Variants in DNAJC2 observed in about 807,000 individuals in gnomAD.
The protein encoded by DNAJC2 is dnaJ homolog subfamily C member 2.
DNAJC2 carries 32 observed loss-of-function variants against 94.0 expected under a neutral mutation model. The ratio of observed to expected loss-of-function variants is 0.34; its 90% CI spans 0.26 to 0.46. The LOEUF (loss-of-function observed/expected upper bound fraction) is 0.46. Ranked by LOEUF, DNAJC2 falls within the 20% of genes least tolerant of loss-of-function variation. The probability of loss-of-function intolerance (pLI) is 1.00; values close to 1 mark genes in which losing one functional copy is unlikely to be tolerated. For synonymous variants in DNAJC2, 210 were observed against 229.7 expected, an observed-to-expected ratio of 0.91 and a Z score of 0.77; for missense variants, 550 against 719.5, an observed-to-expected ratio of 0.76 and a Z score of 2.69.
intron 6 of DNAJC2, among the ~76,000 whole-genome samples, chr7:103,324,280 C>A (rs939688600): frequency 2.0e-5 from 3 of 152,116 alleles, no homozygotes; most frequent in Non-Finnish European, 4.4e-5. Context: ...TCATTTTTTA[C>A]TACTATCATG....
rs112166175 is a variant in DNAJC2, at chr7:103,335,700, C to G, written c.331+2036G>C. On this transcript the variant is annotated intron_variant, in intron 3 of 16. Coordinates refer to ENST00000379263, the MANE Select transcript of DNAJC2 (RefSeq NM_014377.3). ...AGTTGGGCTTACAGGCATGCGCCAC[C>G]GCACCTGGCTAATTTTTGTATTTTT... 3.3e-5 allele frequency: 5 copies of G among 152,250 alleles called. No individual in the cohort carries two copies. The East Asian group carries it at 7.8e-4, about 24-fold the overall frequency. 9.4% of individuals were successfully genotyped at this position (152,250 alleles called of 1,614,324 possible).
At chr7:103,329,692 G>C (rs1402971302) in intron 3 of DNAJC2, among the ~76,000 whole-genome samples, 1 of 151,988 alleles carries the variant, frequency 6.6e-6, no homozygotes, top group Non-Finnish European at 1.5e-5. Context: ...CACTATAATA[G>C]TAAATTTTAC....
intron 3 of DNAJC2, among the ~76,000 whole-genome samples, chr7:103,334,011 C>T (rs1011205455): frequency 2.0e-5 from 3 of 148,250 alleles, no homozygotes; most frequent in East Asian, 2.0e-4. Context: ...AGTGCAGTGG[C>T]GTGATCTCAG....
chr7:103,330,502 G>A (rs551705266), intron 3 of DNAJC2, among the ~76,000 whole-genome samples: 2 of 152,090 alleles, frequency 1.3e-5, no homozygotes, highest in Admixed American at 1.3e-4. Flanking sequence ...GCCCAGGCTG[G>A]AGTGCAGTGG....
intron 15 of DNAJC2, chr7:103,313,680 A>T: frequency 1.0e-6 from 1 of 985,442 alleles, no homozygotes; most frequent in Middle Eastern, 5.2e-4. Flanking sequence ...ATCTGCTAAA[A>T]TCTTGGGAGC....
Position 103,316,745 on chromosome 7 carries a change from A to G in DNAJC2, c.1427+85T>C, listed in dbSNP as rs547077536. On this transcript the variant is annotated intron_variant, in intron 13 of 16. Transcript: ENST00000379263. ...GAATTTATCTCTGCAAGTTTCTGTG[A>G]TAACAAGTGCTGCTATTTGGAGTCT... 32 of 1,137,878 alleles carry G rather than the reference A, an allele frequency of 2.8e-5. No homozygotes were observed. In the East Asian group the frequency reaches 3.5e-4, roughly 13 times the overall value. The allele number at this position is 1,137,878 out of a possible 1,614,324, so 70.5% of individuals were successfully genotyped here. A position where few individuals can be genotyped will look rare whatever the true frequency, so the allele number is the denominator to read the frequency against.
chr7:103,325,272 C>A (rs1174448345), intron 5 of DNAJC2, among the ~76,000 whole-genome samples: 1 of 152,008 alleles, frequency 6.6e-6, no homozygotes, highest in Non-Finnish European at 1.5e-5. Flanking sequence ...GGTGAAACCC[C>A]GTCTCTACTA....
intron 5 of DNAJC2, among the ~76,000 whole-genome samples, chr7:103,326,083 A>C (rs1019029032): frequency 1.3e-5 from 2 of 152,132 alleles, no homozygotes; most frequent in Non-Finnish European, 2.9e-5. Flanking sequence ...GGTTCAAGCA[A>C]AACTCCCGTC....
chr7:103,334,473 G>A (rs902861899), intron 3 of DNAJC2, among the ~76,000 whole-genome samples: 3 of 151,846 alleles, frequency 2.0e-5, no homozygotes, highest in African/African-American at 7.3e-5. Context: ...TGAGGCAGAA[G>A]AATGAGGCAG....
At chr7:103,331,210 G>T (rs1394299118) in intron 3 of DNAJC2, among the ~76,000 whole-genome samples, 1 of 152,062 alleles carries the variant, frequency 6.6e-6, no homozygotes, top group South Asian at 2.1e-4. Flanking sequence ...CGCCTGCCTC[G>T]GCCTCCCAAA....
At chr7:103,322,106 T>A (rs759175105) in intron 9 of DNAJC2, 25 bp from the exon 10 acceptor site, 2 of 1,569,892 alleles carry the variant, frequency 1.3e-6, no homozygotes, top group Non-Finnish European at 1.7e-6. Context: ...AGTAAAATCA[T>A]TTTAATAGGT....
At chr7:103,330,748 CTCTT>C (rs1046426881) in intron 3 of DNAJC2, among the ~76,000 whole-genome samples, 5 of 139,352 alleles carry the variant, frequency 3.6e-5, no homozygotes, top group African/African-American at 1.5e-4. Flanking sequence ...TCACACCCAG[CTCTT>C]TTTTTTTTTT....
chr7:103,327,693 T>C lies in DNAJC2; in HGVS notation c.393A>G (p.Lys131=). Residue 131 remains lysine, a synonymous_variant, in exon 4 of 17, where the codon AAA becomes AAG. Coordinates refer to ENST00000379263, the MANE Select transcript of DNAJC2 (RefSeq NM_014377.3). ...DKRKAAGEPI[K]EGDNDYFTCI... Reference sequence around the variant, plus strand: ...AAGTGAAGTAGTCATTATCTCCTTCTTTTATTGGTTCACCAGCTGCTTTCC... The same window carrying C: ...AAGTGAAGTAGTCATTATCTCCTTCCTTTATTGGTTCACCAGCTGCTTTCC... 1.2e-6 allele frequency: 2 copies of C among 1,613,436 alleles called. No homozygotes were observed. Among genetic ancestry groups the C allele is most frequent in the South Asian group, 1.1e-5 (1 of 90,980 alleles).
intron 12 of DNAJC2, among the ~76,000 whole-genome samples, chr7:103,319,134 T>C (rs1179339197): frequency 6.6e-6 from 1 of 151,776 alleles, no homozygotes; most frequent in Non-Finnish European, 1.5e-5. Flanking sequence ...AGAGACTCCA[T>C]CTCAAAAACA....
At chr7:103,342,308 CTT>C (rs201599023) in intron 1 of DNAJC2, among the ~76,000 whole-genome samples, 6 of 143,026 alleles carry the variant, frequency 4.2e-5, no homozygotes, top group Admixed American at 7.0e-5. Context: ...TATTTTTTTA[CTT>C]TTTTTTTTTT....
At chr7:103,334,187 G>A (rs1371702119) in intron 3 of DNAJC2, among the ~76,000 whole-genome samples, 4 of 151,822 alleles carry the variant, frequency 2.6e-5, no homozygotes, top group Middle Eastern at 3.2e-3. Context: ...TCCTGACCTC[G>A]TGATCCGCCT....
intron 7 of DNAJC2, 116 bp from the exon 8 acceptor site, chr7:103,322,910 G>T: frequency 3.7e-6 from 3 of 815,020 alleles, no homozygotes; most frequent in Middle Eastern, 3.6e-4. Flanking sequence ...AAAATGCTGT[G>T]TCATTACTAA....
At chr7:103,316,129 G>A (rs772603653) in intron 13 of DNAJC2, 41 bp from the exon 14 acceptor site, 1 of 1,324,208 alleles carries the variant, frequency 7.6e-7, no homozygotes, top group East Asian at 2.4e-5. Context: ...TAGTAGTAAG[G>A]AAAAACAAAA....
chr7:103,312,453 G>C lies in DNAJC2; in HGVS notation c.*116C>G, dbSNP rs1734926118. ...TTAATGGTCAGTCTTTGTTCTCTGA[G>C]AAATTATGTTGGAAGCAGCATACTT... On this transcript the variant is annotated 3_prime_UTR_variant, in exon 17 of 17. Transcript: ENST00000379263. The C allele has an allele frequency of 1.3e-6, 2 of 1,527,666 alleles. No homozygotes were observed. Among genetic ancestry groups the C allele is most frequent in the Non-Finnish European group, 1.7e-6 (2 of 1,146,238 alleles). The allele number at this position is 1,527,666 out of a possible 1,614,324, so 94.6% of individuals were successfully genotyped here. A position where few individuals can be genotyped will look rare whatever the true frequency, so the allele number is the denominator to read the frequency against.
Sources: allele counts gnomAD v4.1 joint callset (sites outside exome capture counted in the v4.1 genomes callset), GRCh38; gene constraint gnomAD v4.1.1; transcripts MANE v1.5; gene names NCBI Gene and HGNC (gene_info 2026-07-23, HGNC 2026-07-21).